Variants in YME1L1 observed in about 807,000 individuals in gnomAD.
The protein encoded by YME1L1 is YME1 like 1 ATPase, also known as ATP-dependent zinc metalloprotease YME1L1.
A neutral mutation model predicts 90.4 loss-of-function variants in YME1L1; 39 were observed. The observed-to-expected ratio is 0.43, with a 90% CI of 0.33 to 0.56. YME1L1 has a LOEUF of 0.56. YME1L1 is among the 20% of genes least tolerant of loss of function. The pLI, the probability that YME1L1 is intolerant of heterozygous loss-of-function variation, is 0.03. For synonymous variants in YME1L1, 284 were observed against 287.3 expected, an observed-to-expected ratio of 0.99 and a Z score of 0.12; for missense variants, 617 against 868.4, an observed-to-expected ratio of 0.71 and a Z score of 3.64.
chr10:27,116,892 T>C (rs1390854164), intron 15 of YME1L1, among the ~76,000 whole-genome samples: 1 of 151,804 alleles, frequency 6.6e-6, no homozygotes, highest in Non-Finnish European at 1.5e-5. Flanking sequence ...TAAAAAAAAT[T>C]CAGATACAGT....
At position 27,116,153 on chromosome 10, in the gene YME1L1, T is replaced by C; in HGVS notation, c.1847-20A>G. The C allele has an allele frequency of 6.2e-7, 1 of 1,613,526 alleles. No homozygotes were observed. Among genetic ancestry groups the C allele is most frequent in the Non-Finnish European group, 8.5e-7 (1 of 1,179,774 alleles). On this transcript the variant is annotated intron_variant, in intron 16 of 18. Coordinates refer to ENST00000376016, the MANE Select transcript of YME1L1 (RefSeq NM_014263.4). The stretch of plus-strand genomic sequence containing the variant: ...AAGCACCTAAAATAAAATAAAAACA[T>C]ACCATTTTAAAACATATCTTTAAGA...
In YME1L1 at chr10:27,111,037, T is replaced by A. The variant is rs2056754283; in HGVS notation, c.*940A>T. ...CAGGCATGCACCCCACACCTGGCTA[T>A]TTTTTTTTGTATTTAAATTTATTTT... On this transcript the variant is annotated 3_prime_UTR_variant, in exon 19 of 19. Transcript: ENST00000376016. 1 of 150,610 alleles carries A rather than the reference T, an allele frequency of 6.6e-6. No individual in the cohort carries two copies. The highest frequency in any genetic ancestry group is 1.9e-4 in the East Asian group (1 of 5,140). 9.3% of individuals were successfully genotyped at this position (150,610 alleles called of 1,614,324 possible).
Position 27,121,413 on chromosome 10 carries a change from G to A in YME1L1, c.1271C>T (p.Ala424Val). The A allele has an allele frequency of 6.2e-7, 1 of 1,607,048 alleles. No homozygotes were observed. The highest frequency in any genetic ancestry group is 2.2e-5 in the East Asian group (1 of 44,810). Reference sequence around the variant, plus strand: ...ATCTAATGCCTCTGGGAAGTTTGTGGCTCCTATTATGATAACTCCTTCATT... The same window carrying A: ...ATCTAATGCCTCTGGGAAGTTTGTGACTCCTATTATGATAACTCCTTCATT... ...KPNEGVIIIG[A>V]TNFPEALDNA... The change falls in exon 12 of 19, where the codon GCC becomes GTC. Residue 424 changes from alanine (A) to valine (V), a missense_variant. Transcript: ENST00000376016.
In YME1L1 at chr10:27,147,635, T is replaced by C. The variant is rs1322023495; in HGVS notation, c.168+1271A>G. 3.9e-6 allele frequency: 6 copies of C among 1,552,972 alleles called. No individual in the cohort carries two copies. In the African/African-American group the frequency reaches 4.1e-5, roughly 11 times the overall value. On this transcript the variant is annotated intron_variant, in intron 2 of 18. Transcript: ENST00000376016. The stretch of plus-strand genomic sequence containing the variant: ...ATTTTTCCTTTGCCAATTGAAACAA[T>C]GTTAAGCTTCGTCAGGAAGTCACTG...
In YME1L1 at chr10:27,110,271, TAAC is replaced by T. The variant is rs1299782081; in HGVS notation, c.*1703_*1705del. 3.3e-5 allele frequency: 5 copies of T among 152,158 alleles called. No homozygotes were observed. The highest frequency in any genetic ancestry group is 5.9e-5 in the Non-Finnish European group (4 of 68,036). 9.4% of individuals were successfully genotyped at this position (152,158 alleles called of 1,614,324 possible). A position where few individuals can be genotyped will look rare whatever the true frequency, so the allele number is the denominator to read the frequency against. On this transcript the variant is annotated 3_prime_UTR_variant, in exon 19 of 19. Transcript: ENST00000376016. ...GGGCAATAAAAAACGGGCAGAATGA[TAAC>T]AACTGGTAAATCTGGATGCAGGGTA...
At chr10:27,145,136 G>A (rs768092426) in intron 3 of YME1L1, among the ~76,000 whole-genome samples, 2 of 151,670 alleles carry the variant, frequency 1.3e-5, no homozygotes, top group Non-Finnish European at 2.9e-5. Flanking sequence ...AGGAGACTCC[G>A]TCTCAAAAAA....
In YME1L1 at chr10:27,148,908, C is replaced by T. The variant is rs2057175707; in HGVS notation, c.166G>A (p.Glu56Lys). The T allele has an allele frequency of 6.2e-7, 1 of 1,613,734 alleles. No homozygotes were observed. The highest frequency in any genetic ancestry group is 8.5e-7 in the Non-Finnish European group (1 of 1,179,978). ...VVPEHEAPSS[E>K]PSLNLRDLGL... Reference sequence around the variant, plus strand: ...ACACAACCAGGATAAAGACTTACCTCACTGCTGGGAGCCTCATGCTCAGGA... The same window carrying T: ...ACACAACCAGGATAAAGACTTACCTTACTGCTGGGAGCCTCATGCTCAGGA... Residue 56 changes from glutamate to lysine, a missense_variant and splice_region_variant, in exon 2 of 19, where the codon GAG becomes AAG. Glu to Lys is a moderately conservative substitution (Grantham distance 56, BLOSUM62 1). This residue lies in a region of YME1L1 where 311 missense variants were observed against 335.8 expected (regional missense o/e 0.93). Transcript: ENST00000376016.
At chr10:27,146,798 T>C (rs1203338690) in intron 2 of YME1L1, 2 of 153,166 alleles carry the variant, frequency 1.3e-5, no homozygotes, top group African/African-American at 4.8e-5. Context: ...TACGGTACTT[T>C]TTAAATTAGC....
chr10:27,127,665 A>G (rs867521551), intron 8 of YME1L1, among the ~76,000 whole-genome samples: 3 of 152,216 alleles, frequency 2.0e-5, no homozygotes, highest in Middle Eastern at 3.2e-3. Flanking sequence ...AAATTCAAAA[A>G]TAGGGAAAAT....
chr10:27,145,326 A>G (rs2057132361), intron 3 of YME1L1, 102 bp downstream of exon 3: 1 of 1,040,630 alleles, frequency 9.6e-7, no homozygotes, highest in Non-Finnish European at 1.3e-6. Flanking sequence ...TCAGGAAAGA[A>G]CCCAGCCCAC....
In YME1L1 at chr10:27,111,356, C is replaced by G. The variant is rs2135830126; in HGVS notation, c.*621G>C. ...ACAGGCGTGAGCAACCGCGCCCAGC[C>G]CTATTTTTTTGTATTTTAGTAGAGA... On this transcript the variant is annotated 3_prime_UTR_variant, in exon 19 of 19. Coordinates refer to ENST00000376016, the MANE Select transcript of YME1L1 (RefSeq NM_014263.4). The G allele has an allele frequency of 6.4e-6, 1 of 155,156 alleles. No individual in the cohort carries two copies. The highest frequency in any genetic ancestry group is 1.4e-5 in the Non-Finnish European group (1 of 70,232). 9.6% of individuals were successfully genotyped at this position (155,156 alleles called of 1,614,324 possible).
At chr10:27,129,069 G>A (rs1022306328) in intron 8 of YME1L1, among the ~76,000 whole-genome samples, 3 of 115,220 alleles carry the variant, frequency 2.6e-5, no homozygotes, top group Admixed American at 2.5e-4. Flanking sequence ...CTGGGCAAGA[G>A]AGCAAGACCC....
chr10:27,142,664 T>A (rs1329802374), intron 3 of YME1L1, among the ~76,000 whole-genome samples, 179 bp from the exon 4 acceptor site: 1 of 152,210 alleles, frequency 6.6e-6, no homozygotes, highest in Non-Finnish European at 1.5e-5. Context: ...TTTAACTACA[T>A]CTCACAGTTC....
chr10:27,137,023 CA>C (rs35090363), intron 4 of YME1L1, among the ~76,000 whole-genome samples: 12,672 of 136,304 alleles, frequency 0.093, 680 homozygotes, highest in East Asian at 0.3. Context: ...ACTGTGATTT[CA>C]AAAAAAAAAA....
intron 17 of YME1L1, 105 bp from the exon 18 acceptor site, chr10:27,114,712 A>T (rs1320204358): frequency 3.5e-5 from 26 of 751,344 alleles, no homozygotes; most frequent in Non-Finnish European, 5.2e-5. Context: ...TATATGGGGG[A>T]CAAGAAAGAA....
chr10:27,116,039 A>G (rs1402078866), intron 17 of YME1L1, 21 bp downstream of exon 17: 3 of 1,595,694 alleles, frequency 1.9e-6, no homozygotes, highest in Non-Finnish European at 1.7e-6. Context: ...ATACATGAAA[A>G]GGATTTAAAA....
intron 3 of YME1L1, 23 bp from the exon 4 acceptor site, chr10:27,142,508 A>G: frequency 7.6e-7 from 1 of 1,319,136 alleles, no homozygotes; most frequent in Non-Finnish European, 1.0e-6. Context: ...TGCAAAAAGT[A>G]AATTTTCTAA....
At chr10:27,149,587 T>C (rs1259001166) in intron 1 of YME1L1, among the ~76,000 whole-genome samples, 1 of 151,584 alleles carries the variant, frequency 6.6e-6, no homozygotes, top group Admixed American at 6.6e-5. Context: ...GGTGTGCGCC[T>C]GTAGTCTCAG....
chr10:27,115,845 G>A (rs2056807370), intron 17 of YME1L1, among the ~76,000 whole-genome samples: 1 of 152,182 alleles, frequency 6.6e-6, no homozygotes, highest in Non-Finnish European at 1.5e-5. Context: ...ATTAACTCGT[G>A]AAGTAATAGT....
Sources: gnomAD v4.1 joint callset for allele counts (sites outside exome capture counted in the v4.1 genomes callset) on GRCh38, gnomAD v4.1.1 for gene constraint, gnomAD v4.1.1 regional missense constraint, MANE v1.5 for transcripts, NCBI Gene and HGNC (gene_info 2026-07-23, HGNC 2026-07-21) for gene names.